The following CD55 variants were observed in gnomAD, a reference collection of about 807,000 sequenced individuals.
CD55 encodes CD55 molecule (Cromer blood group), also known as complement decay-accelerating factor.
CD55 carries 41 observed loss-of-function variants against 45.8 expected under a neutral mutation model. The ratio of observed to expected loss-of-function variants is 0.90; its 90% CI spans 0.70 to 1.16. The LOEUF is 1.16. Among genes scored for constraint, CD55 ranks in the 50% most tolerant of loss-of-function variants. CD55 has a pLI of 0.00. For missense variants in CD55, 416 were observed against 469.8 expected, an observed-to-expected ratio of 0.89 and a Z score of 1.06; for synonymous variants, 181 against 181.1, an observed-to-expected ratio of 1.00 and a Z score of 0.01.
intron 3 of CD55, among the ~76,000 whole-genome samples, chr1:207,325,311 G>A (rs1170101125): frequency 2.0e-5 from 3 of 147,430 alleles, no homozygotes; most frequent in Non-Finnish European, 3.0e-5. Flanking sequence ...CTCCAGCCTG[G>A]GCAACAGAGC....
intron 9 of CD55, chr1:207,340,831 T>TA (rs1419095486): frequency 5.0e-6 from 2 of 403,850 alleles, no homozygotes; most frequent in African/African-American, 2.1e-5. Context: ...TGCTGGATCC[T>TA]AAGATAGTTA....
rs183844913 is a variant in CD55 at position 207,345,262 on chromosome 1, T to G, written c.1081+5845T>G. 7.2e-5 allele frequency among the ~76,000 whole-genome samples: 11 copies of G among 152,252 alleles called. No individual in the cohort carries two copies. In the East Asian group the frequency reaches 2.1e-3, roughly 29 times the overall value. Reference sequence around the variant, plus strand: ...TCTTTTTTCCTTATTCTTATCTGACTGTGTTATCTCAAAAGACCTGTCTTC... The same window carrying G: ...TCTTTTTTCCTTATTCTTATCTGACGGTGTTATCTCAAAAGACCTGTCTTC... On this transcript the variant is annotated intron_variant, in intron 9 of 9. Transcript: ENST00000367064.
intron 1 of CD55, among the ~76,000 whole-genome samples, 166 bp downstream of exon 1, chr1:207,322,031 T>C (rs1654433108): frequency 1.3e-5 from 2 of 152,184 alleles, no homozygotes; most frequent in South Asian, 2.1e-4. Context: ...TCACCAGCAT[T>C]TGGGGCTCCT....
chr1:207,358,099 A>ATTGC (rs1277441817), intron 9 of CD55, among the ~76,000 whole-genome samples: 3 of 152,152 alleles, frequency 2.0e-5, no homozygotes, highest in Admixed American at 6.5e-5. Context: ...AGTGAACTTA[A>ATTGC]TTGCTTATTT....
intron 9 of CD55, chr1:207,340,599 TG>T: frequency 1.5e-6 from 1 of 688,614 alleles, no homozygotes; most frequent in Admixed American, 2.1e-5. Context: ...TTCAAACTCC[TG>T]GCCGTAAGCG....
rs192416818 is a variant in CD55, at chr1:207,350,277, G to T, written c.1082-9269G>T. The T allele has an allele frequency of 8.8e-5, 27 of 305,366 alleles. No homozygotes were observed. The East Asian group carries it at 3.1e-3, about 35-fold the overall frequency. 18.9% of individuals were successfully genotyped at this position (305,366 alleles called of 1,614,324 possible). On this transcript the variant is annotated intron_variant, in intron 9 of 9. Coordinates refer to ENST00000367064, the MANE Select transcript of CD55 (RefSeq NM_000574.5). ...TTTGATCTGCTAGTATTTTGTTGAG[G>T]ATTTTTGCATTTACTTTCATCAGGG...
At position 207,331,135 on chromosome 1, in the gene CD55, T is replaced by C. The variant is rs1179579972; in HGVS notation, c.692T>C (p.Ile231Thr). 1.2e-6 allele frequency: 2 copies of C among 1,613,120 alleles called. No individual in the cohort carries two copies. Among genetic ancestry groups the C allele is most frequent in the Non-Finnish European group, 8.5e-7 (1 of 1,179,448 alleles). ...ATTTATTGTCCAGCACCACCACAAA[T>C]TGACAATGGAATAATTCAAGGGGAA... ...REIYCPAPPQ[I>T]DNGIIQGERD... The change falls in exon 6 of 10, where the codon ATT (isoleucine) becomes ACT (threonine). Residue 231 changes from isoleucine (I) to threonine (T), a missense_variant. This residue lies in a region of CD55 where 182 missense variants were observed against 201.4 expected (regional missense o/e 0.90). Coordinates refer to ENST00000367064, the MANE Select transcript of CD55 (RefSeq NM_000574.5).
chr1:207,331,488 C>T (rs1041815366), intron 6 of CD55, among the ~76,000 whole-genome samples, 192 bp downstream of exon 6: 23 of 152,128 alleles, frequency 1.5e-4, no homozygotes, highest in African/African-American at 5.3e-4. Context: ...CACACACACA[C>T]ACATACTCAC....
At chr1:207,354,249 CTG>C in intron 9 of CD55, 2 of 1,309,712 alleles carry the variant, frequency 1.5e-6, no homozygotes, top group South Asian at 4.6e-5. Context: ...TGGCCTGAAT[CTG>C]GGGCTAGAAG....
intron 8 of CD55, 182 bp downstream of exon 8, chr1:207,337,591 A>T: frequency 2.3e-6 from 1 of 425,802 alleles, no homozygotes; most frequent in Non-Finnish European, 4.2e-6. Flanking sequence ...ATCTTTAAAA[A>T]AAGAAACATT....
chr1:207,326,009 T>C (rs1179532712), intron 4 of CD55, among the ~76,000 whole-genome samples: 1 of 62,250 alleles, frequency 1.6e-5, no homozygotes, highest in Non-Finnish European at 2.9e-5. Context: ...GAGATGATGA[T>C]ACTTGCAGAA....
chr1:207,326,516 A>G (rs1023034517), intron 4 of CD55, among the ~76,000 whole-genome samples: 1 of 152,228 alleles, frequency 6.6e-6, no homozygotes, highest in Non-Finnish European at 1.5e-5. Flanking sequence ...GCTTTCTAAC[A>G]TATTCCCCAT....
intron 9 of CD55, chr1:207,347,283 G>A (rs1244855173): frequency 1.6e-5 from 7 of 446,162 alleles, no homozygotes; most frequent in Non-Finnish European, 2.7e-5. Flanking sequence ...TTTTTTAGAC[G>A]GAATCTCGCT....
intron 1 of CD55, 75 bp from the exon 2 acceptor site, chr1:207,322,307 G>A (rs538797583): frequency 1.7e-6 from 2 of 1,210,792 alleles, no homozygotes; most frequent in South Asian, 1.2e-5. Flanking sequence ...ATTTCAAGGG[G>A]GCTTGTGTCT....
intron 9 of CD55, chr1:207,340,624 C>T: frequency 1.5e-6 from 1 of 673,846 alleles, no homozygotes; most frequent in Non-Finnish European, 2.7e-6. Flanking sequence ...TTTCCGGCCT[C>T]CCAAAACGTT....
chr1:207,350,813 G>C (rs560704541), intron 9 of CD55, among the ~76,000 whole-genome samples: 4 of 151,916 alleles, frequency 2.6e-5, no homozygotes, highest in Non-Finnish European at 5.9e-5. Context: ...TGGTTTTGTT[G>C]ATCTTTTGTA....
At chr1:207,338,948 G>A (rs914633735) in intron 8 of CD55, among the ~76,000 whole-genome samples, 9 of 152,068 alleles carry the variant, frequency 5.9e-5, no homozygotes, top group African/African-American at 1.2e-4. Context: ...TGCCCCATCC[G>A]TAGTCATTGA....
At chr1:207,345,754 G>A (rs911604518) in intron 9 of CD55, among the ~76,000 whole-genome samples, 8 of 152,188 alleles carry the variant, frequency 5.3e-5, no homozygotes, top group African/African-American at 1.9e-4. Context: ...TCCTGAAGAT[G>A]TATTTATGGT....
chr1:207,346,724 G>C (rs1172155332), intron 9 of CD55, among the ~76,000 whole-genome samples: 1 of 152,226 alleles, frequency 6.6e-6, no homozygotes, highest in Non-Finnish European at 1.5e-5. Flanking sequence ...AGTGGCCACA[G>C]AGCAAGATGC....
Sources: gnomAD v4.1 joint callset for allele counts (sites outside exome capture counted in the v4.1 genomes callset) on GRCh38, gnomAD v4.1.1 for gene constraint, gnomAD v4.1.1 regional missense constraint, MANE v1.5 for transcripts, NCBI Gene and HGNC (gene_info 2026-07-23, HGNC 2026-07-21) for gene names.